ASTN2: variants seen among roughly 807,000 people sequenced by gnomAD.
ASTN2 encodes the protein astrotactin 2.
Under a neutral mutation model 139.8 loss-of-function variants are expected in ASTN2, and 54 were observed. That is an observed-to-expected ratio of 0.39 (90% CI 0.31 to 0.48). The LOEUF is 0.48. Ranked by LOEUF, ASTN2 falls within the 20% of genes least tolerant of loss-of-function variation. The pLI, the probability that ASTN2 is intolerant of heterozygous loss-of-function variation, is 0.95. For synonymous variants in ASTN2, 756 were observed against 719.5 expected (o/e 1.05, Z -0.81); for missense variants, 1,565 against 1,725.1 (o/e 0.91, Z 1.64).
chr9:117,152,554 GT>G (rs1830349085), intron 3 of ASTN2, among the ~76,000 whole-genome samples: 2 of 152,262 alleles, frequency 1.3e-5, no homozygotes, highest in South Asian at 4.1e-4. Context: ...TGCTTATCAA[GT>G]TTCTGCTTTG....
intron 17 of ASTN2, among the ~76,000 whole-genome samples, chr9:116,634,517 G>C (rs1856966490): frequency 6.6e-6 from 1 of 150,812 alleles, no homozygotes. Context: ...GTGAACCCGG[G>C]AGGCGGAGCT....
intron 5 of ASTN2, among the ~76,000 whole-genome samples, chr9:117,045,963 TGTATGTATGTATGTATGTACGTACGTAC>T (rs954944160): frequency 3.6e-4 from 45 of 123,884 alleles, no homozygotes; most frequent in African/African-American, 1.4e-3. Context: ...TTTGTATGTA[TGTATGTATGTATGTATGTACGTACGTAC>T]GTATGTATGT....
At chr9:116,898,303 G>A (rs115771707) in intron 10 of ASTN2, among the ~76,000 whole-genome samples, 3,771 of 151,836 alleles carry the variant, frequency 0.025, 144 homozygotes, top group African/African-American at 0.084. Context: ...CAGCTACTCG[G>A]GTGGCTAAGA....
intron 16 of ASTN2, among the ~76,000 whole-genome samples, chr9:116,657,546 T>A: frequency 6.6e-6 from 1 of 151,996 alleles, no homozygotes; most frequent in East Asian, 1.9e-4. Context: ...AACAAAGACA[T>A]AAAAAGAGGT....
intron 22 of ASTN2, among the ~76,000 whole-genome samples, chr9:116,439,199 T>TAATAAGAAGTGAATATAAGAAAGAAA (rs1208978126): frequency 9.8e-6 from 1 of 102,244 alleles, no homozygotes; most frequent in African/African-American, 3.8e-5. Context: ...AATACATTTT[T>TAATAAGAAGTGAATATAAGAAAGAAA]TTTTTTTTTT....
At chr9:117,184,617 T>A (rs1831152558) in intron 3 of ASTN2, among the ~76,000 whole-genome samples, 1 of 152,202 alleles carries the variant, frequency 6.6e-6, no homozygotes, top group Admixed American at 6.5e-5. Context: ...TGTCAGTAGA[T>A]AAGAGTTCGC....
chr9:117,260,432 T>C (rs896838144), intron 2 of ASTN2, among the ~76,000 whole-genome samples: 1 of 152,178 alleles, frequency 6.6e-6, no homozygotes, highest in African/African-American at 2.4e-5. Flanking sequence ...TCTGAAGCAA[T>C]GTGGTTTCAG....
chr9:117,083,827 C>T (rs535695755), intron 5 of ASTN2, among the ~76,000 whole-genome samples: 39 of 152,216 alleles, frequency 2.6e-4, no homozygotes, highest in Non-Finnish European at 5.0e-4. Flanking sequence ...CCTTCGATGG[C>T]GGGCTGTCAG....
chr9:117,326,423 A>G (rs1354796602), intron 1 of ASTN2, among the ~76,000 whole-genome samples: 3 of 152,166 alleles, frequency 2.0e-5, no homozygotes, highest in African/African-American at 4.8e-5. Flanking sequence ...CTGGAGGCTG[A>G]GCACAGATCA....
intron 5 of ASTN2, among the ~76,000 whole-genome samples, chr9:117,048,028 T>C (rs1183366338): frequency 6.6e-6 from 1 of 152,142 alleles, no homozygotes; most frequent in Non-Finnish European, 1.5e-5. Context: ...AGGCCATCAC[T>C]TGCCAAAGAA....
At chr9:116,517,156 C>A (rs111262746) in intron 19 of ASTN2, among the ~76,000 whole-genome samples, 26 of 152,184 alleles carry the variant, frequency 1.7e-4, no homozygotes, top group African/African-American at 5.5e-4. Context: ...CCAATAGGAC[C>A]ACAGCTGACA....
chr9:117,143,174 A>G (rs956191235), intron 3 of ASTN2, among the ~76,000 whole-genome samples: 3 of 152,182 alleles, frequency 2.0e-5, no homozygotes, highest in Non-Finnish European at 4.4e-5. Context: ...TAAAAAGACA[A>G]TTGACAATAC....
At chr9:116,677,559 G>A (rs181812412) in intron 16 of ASTN2, among the ~76,000 whole-genome samples, 1 of 152,264 alleles carries the variant, frequency 6.6e-6, no homozygotes, top group East Asian at 1.9e-4. Context: ...TTGGATCAGA[G>A]AAGCATGCTA....
At chr9:116,561,608 A>G (rs1017864777) in intron 19 of ASTN2, among the ~76,000 whole-genome samples, 3 of 152,204 alleles carry the variant, frequency 2.0e-5, no homozygotes, top group African/African-American at 7.2e-5. Flanking sequence ...ATAAAATGAG[A>G]AGGAGAAAAC....
rs181424147 is a variant in ASTN2, at chr9:117,088,833, C to T, written c.1276+7211G>A. Among the ~76,000 whole-genome samples, 250 of 152,238 alleles carry T rather than the reference C, an allele frequency of 1.6e-3. 2 individuals carry two copies. Among genetic ancestry groups the T allele is most frequent in the Non-Finnish European group, 2.8e-4 (19 of 68,020 alleles). ...GTCCAGAGAGGGAGACAGATGCACC[C>T]AAACCCATACAGCACAGAGCTGGGC... is the stretch of plus-strand genomic sequence containing the variant. On this transcript the variant is annotated intron_variant, in intron 5 of 22. Transcript: ENST00000313400.
At chr9:116,808,285 G>A (rs1022561332) in intron 12 of ASTN2, among the ~76,000 whole-genome samples, 17 of 144,886 alleles carry the variant, frequency 1.2e-4, no homozygotes, top group African/African-American at 4.8e-4. Context: ...TATTGTGTGT[G>A]TGTGTGTGTG....
chr9:116,743,988 G>A (rs1425143241), intron 13 of ASTN2, among the ~76,000 whole-genome samples: 3 of 152,206 alleles, frequency 2.0e-5, no homozygotes, highest in South Asian at 2.1e-4. Flanking sequence ...AAAGTTCAGG[G>A]ACAAAGGAAA....
intron 2 of ASTN2, among the ~76,000 whole-genome samples, chr9:117,253,037 T>C (rs1290972962): frequency 1.3e-5 from 2 of 152,200 alleles, no homozygotes; most frequent in African/African-American, 4.8e-5. Context: ...GGAATTTTGA[T>C]GAGAATTATG....
At chr9:117,088,126 G>A (rs1238701690) in intron 5 of ASTN2, among the ~76,000 whole-genome samples, 1 of 152,256 alleles carries the variant, frequency 6.6e-6, no homozygotes, top group Admixed American at 6.5e-5. Flanking sequence ...AGAGTGAAAC[G>A]GAACCTTGTT....
Sources: gnomAD v4.1 joint callset for allele counts (sites outside exome capture counted in the v4.1 genomes callset) on GRCh38, gnomAD v4.1.1 for gene constraint, MANE v1.5 for transcripts, NCBI Gene and HGNC (gene_info 2026-07-23, HGNC 2026-07-21) for gene names.